MPP2: variants seen among roughly 807,000 people sequenced by gnomAD.
The protein encoded by MPP2 is MAGUK p55 scaffold protein 2, also known as MAGUK p55 subfamily member 2.
A neutral mutation model predicts 58.5 loss-of-function variants in MPP2; 42 were observed. The observed-to-expected ratio is 0.72, with a 90% confidence interval of 0.56 to 0.93. The LOEUF (loss-of-function observed/expected upper bound fraction) is 0.93, where lower values mean the gene tolerates loss of function less well. Ranked by LOEUF, MPP2 falls within the 40% of genes least tolerant of loss-of-function variation. MPP2 has a pLI of 0.00. For synonymous variants in MPP2, 300 were observed against 307.8 expected (o/e 0.97, Z 0.26); for missense variants, 632 against 760.4 (o/e 0.83, Z 1.99).
chr17:43,906,724 G>A (rs2143814497), intron 1 of MPP2, among the ~76,000 whole-genome samples: 1 of 152,236 alleles, frequency 6.6e-6, no homozygotes, highest in African/African-American at 2.4e-5. Context: ...CTAACACCCT[G>A]GGCGCTAGGA....
At chr17:43,907,538 C>T, upstream of MPP2, 1 of 985,518 alleles carries the variant, frequency 1.0e-6, no homozygotes, top group Non-Finnish European at 1.2e-6. Flanking sequence ...GCGTTTATTG[C>T]TTGTCAATCG....
chr17:43,880,981 C>T lies in MPP2; in HGVS notation c.988+109G>A, dbSNP rs1448679491. The T allele has an allele frequency of 2.5e-5, 38 of 1,523,236 alleles. No homozygotes were observed. The highest frequency in any genetic ancestry group is 3.2e-5 in the Non-Finnish European group (36 of 1,108,436). The allele number at this position is 1,523,236 out of a possible 1,614,324, so 94.4% of individuals were successfully genotyped here. A position where few individuals can be genotyped will look rare whatever the true frequency, so the allele number is the denominator to read the frequency against. ...GGGAGTCGGGCAGGGCCTAGGGACA[C>T]GGCTGGCAGCATCTGAGCCAGGCAC... On this transcript the variant is annotated intron_variant, in intron 9 of 12. Coordinates refer to ENST00000269095, the MANE Select transcript of MPP2 (RefSeq NM_005374.5). This position sits in a 1 kb window ranked among gnomAD's most constrained non-coding sequence, Gnocchi z 5.2.
At chr17:43,888,701 T>A (rs894126478) in intron 3 of MPP2, among the ~76,000 whole-genome samples, 3 of 152,068 alleles carry the variant, frequency 2.0e-5, no homozygotes, top group Admixed American at 6.5e-5. Flanking sequence ...GAGACGTGTG[T>A]GATCAAGGGG....
intron 2 of MPP2, chr17:43,901,581 C>A: frequency 9.1e-6 from 9 of 985,424 alleles, no homozygotes; most frequent in Non-Finnish European, 1.1e-5. Flanking sequence ...CCCCTGGTTG[C>A]CATGACAGTA....
chr17:43,909,456 A>G, upstream of MPP2: 2 of 854,878 alleles, frequency 2.3e-6, no homozygotes, highest in Non-Finnish European at 3.2e-6. Context: ...CTGGGCTGGA[A>G]ATCACTCAGC....
chr17:43,896,699 G>A (rs73304619), intron 3 of MPP2, among the ~76,000 whole-genome samples: 7,939 of 152,024 alleles, frequency 0.052, 746 homozygotes, highest in African/African-American at 0.18. Context: ...CTGGGAAATC[G>A]GGCACCTGAC....
At position 43,880,638 on chromosome 17, in the gene MPP2, C is replaced by T; in HGVS notation, c.1150+53G>A. ...CATTCGGTGGGCCCAGCCCTGGCCCCAGGGGAGCCCTGCTCCTTGTCCCCA... is the reference window on the plus strand; with the variant it reads ...CATTCGGTGGGCCCAGCCCTGGCCCTAGGGGAGCCCTGCTCCTTGTCCCCA... On this transcript the variant is annotated intron_variant, in intron 10 of 12. Transcript: ENST00000269095. This position sits in a 1 kb window ranked among gnomAD's most constrained non-coding sequence, Gnocchi z 5.2. The T allele has an allele frequency of 6.5e-7, 1 of 1,542,810 alleles. No individual in the cohort carries two copies. Among genetic ancestry groups the T allele is most frequent in the Non-Finnish European group, 8.8e-7 (1 of 1,141,244 alleles).
intron 2 of MPP2, among the ~76,000 whole-genome samples, chr17:43,900,874 G>C (rs1335867247): frequency 6.6e-6 from 1 of 152,116 alleles, no homozygotes; most frequent in Non-Finnish European, 1.5e-5. Flanking sequence ...TTTTGAGGAG[G>C]GGGTAGGCAT....
intron 3 of MPP2, chr17:43,884,279 G>C (rs2047272052): frequency 3.4e-6 from 2 of 588,492 alleles, no homozygotes; most frequent in Non-Finnish European, 6.0e-6. Context: ...TCTAATTGAT[G>C]ATCATATGTT....
rs1040168842 is a variant in MPP2 at position 43,907,299 on chromosome 17, C to G, written c.-34+175G>C. ...AGCGGGGCTTGGTTCTCCCAACCAG[C>G]ACCCCAGAAAGAGGGCCCAGGGGCG... On this transcript the variant is annotated intron_variant, in intron 1 of 12. Coordinates refer to ENST00000269095, the MANE Select transcript of MPP2 (RefSeq NM_005374.5). The G allele has an allele frequency of 7.1e-6, 7 of 985,418 alleles. No individual in the cohort carries two copies. The Admixed American group carries it at 4.3e-4, about 61-fold the overall frequency. The allele number at this position is 985,418 out of a possible 1,614,324, so 61.0% of individuals were successfully genotyped here. A position where few individuals can be genotyped will look rare whatever the true frequency, so the allele number is the denominator to read the frequency against.
intron 3 of MPP2, among the ~76,000 whole-genome samples, chr17:43,883,579 C>T (rs1024681665): frequency 2.0e-5 from 3 of 151,470 alleles, no homozygotes; most frequent in African/African-American, 2.4e-5. Context: ...AAGGAAGAAA[C>T]CAAAGGACAA....
intron 12 of MPP2, among the ~76,000 whole-genome samples, chr17:43,878,708 G>A (rs1046249500): frequency 2.6e-5 from 4 of 152,316 alleles, no homozygotes; most frequent in South Asian, 2.1e-4. Context: ...CACCAGGCAT[G>A]GCCAGCAGAG....
At chr17:43,882,202 G>T in intron 6 of MPP2, 82 bp downstream of exon 6, 1 of 1,309,438 alleles carries the variant, frequency 7.6e-7, no homozygotes, top group Non-Finnish European at 1.1e-6. Flanking sequence ...CAGTAGGAGA[G>T]GAGGGCCTCC....
intron 1 of MPP2, among the ~76,000 whole-genome samples, chr17:43,904,732 G>C (rs2048225094): frequency 6.6e-6 from 1 of 152,146 alleles, no homozygotes; most frequent in Non-Finnish European, 1.5e-5. Flanking sequence ...TAACTGATTT[G>C]CCCAAGTTCA....
At position 43,877,604 on chromosome 17, in the gene MPP2, C is replaced by A; in HGVS notation, c.*203G>T. 3.3e-6 allele frequency: 2 copies of A among 601,490 alleles called. No individual in the cohort carries two copies. Among genetic ancestry groups the A allele is most frequent in the South Asian group, 2.0e-5 (1 of 49,852 alleles). 37.3% of individuals were successfully genotyped at this position (601,490 alleles called of 1,614,324 possible). A position where few individuals can be genotyped will look rare whatever the true frequency, so the allele number is the denominator to read the frequency against. On this transcript the variant is annotated 3_prime_UTR_variant, in exon 13 of 13. Transcript: ENST00000269095. ...GCATCAGGAGTGGGCAGCACCTGGG[C>A]ACAAGGTACCCCATGAATGCCCACC...
chr17:43,903,883 C>T (rs1380497942), intron 2 of MPP2, among the ~76,000 whole-genome samples: 4 of 152,310 alleles, frequency 2.6e-5, no homozygotes, highest in Admixed American at 1.3e-4. Flanking sequence ...TGGCCCACTC[C>T]CTTGTCCTAA....
chr17:43,882,941 G>C lies in MPP2; in HGVS notation c.415C>G (p.Arg139Gly). The C allele has an allele frequency of 3.7e-6, 6 of 1,614,174 alleles. No homozygotes were observed. The highest frequency in any genetic ancestry group is 5.1e-6 in the Non-Finnish European group (6 of 1,180,044). The change falls in exon 5 of 13, where the codon CGC becomes GGC. Residue 139 changes from arginine to glycine, a missense_variant. Physicochemically the swap from Arg to Gly is moderately radical, Grantham distance 125. Transcript: ENST00000269095. ...GCTGTCTTGCGGATGCCCACCATGC[G>C]CACAGCATCGGGAGGTACAGGCTGG... ...SNQPVPPDAV[R>G]MVGIRKTAGE...
rs2046832834 is a variant in MPP2, at chr17:43,876,448, G to GTTATGGCAGGGGGGCAT, written c.*1342_*1358dup. ...TATTTTACAAAACTGCCCTCCCCAA[G>GTTATGGCAGGGGGGCAT]TTATGGCAGGGGGGCATTTAGGGTA... On this transcript the variant is annotated 3_prime_UTR_variant, in exon 13 of 13. Coordinates refer to ENST00000269095, the MANE Select transcript of MPP2 (RefSeq NM_005374.5). 6.6e-6 allele frequency: 1 copy of GTTATGGCAGGGGGGCAT among 152,206 alleles called. No homozygotes were observed. Among genetic ancestry groups the GTTATGGCAGGGGGGCAT allele is most frequent in the Non-Finnish European group, 1.5e-5 (1 of 68,060 alleles). 9.4% of individuals were successfully genotyped at this position (152,206 alleles called of 1,614,324 possible).
At chr17:43,891,344 A>C (rs1211729032) in intron 3 of MPP2, among the ~76,000 whole-genome samples, 1 of 151,956 alleles carries the variant, frequency 6.6e-6, no homozygotes, top group Non-Finnish European at 1.5e-5. Flanking sequence ...ACATGGTGAA[A>C]CCCCATCTCT....
Sources: allele counts gnomAD v4.1 joint callset (sites outside exome capture counted in the v4.1 genomes callset), GRCh38; gene constraint gnomAD v4.1.1; non-coding constraint Gnocchi (gnomAD v3.1); transcripts MANE v1.5; gene names NCBI Gene and HGNC (gene_info 2026-07-23, HGNC 2026-07-21).